The following CRISPLD1 variants were observed in gnomAD, a reference collection of about 807,000 sequenced individuals.
CRISPLD1 encodes the protein cysteine rich secretory protein LCCL domain containing 1.
In CRISPLD1, 60 loss-of-function variants were observed where a neutral mutation model predicts 77.5. The ratio of observed to expected loss-of-function variants is 0.77; its 90% CI spans 0.63 to 0.96. The LOEUF (loss-of-function observed/expected upper bound fraction) is 0.96, where lower values mean the gene tolerates loss of function less well. CRISPLD1 is among the 40% of genes least tolerant of loss of function. CRISPLD1 has a pLI of 0.00. For missense variants in CRISPLD1, 623 were observed against 615.8 expected, an observed-to-expected ratio of 1.01 and a Z score of -0.12; for synonymous variants, 195 against 200.1, an observed-to-expected ratio of 0.97 and a Z score of 0.22.
rs554512140 is a variant in CRISPLD1 at position 74,984,532 on chromosome 8, G to C, written c.-451G>C. ...AAGCGCTAGGCGCCTGGTTCTGCGC[G>C]TACTGGCTGTACGGAGCAGGAGCAA... On this transcript the variant is annotated 5_prime_UTR_variant, in exon 1 of 15. Coordinates refer to ENST00000262207, the MANE Select transcript of CRISPLD1 (RefSeq NM_031461.6). 1 of 152,322 alleles carries C rather than the reference G, an allele frequency of 6.6e-6. No individual in the cohort carries two copies. Among genetic ancestry groups the C allele is most frequent in the Admixed American group, 6.5e-5 (1 of 15,290 alleles). The allele number at this position is 152,322 out of a possible 1,614,324, so 9.4% of individuals were successfully genotyped here. A position where few individuals can be genotyped will look rare whatever the true frequency, so the allele number is the denominator to read the frequency against.
chr8:75,001,592 A>G (rs1812742330), intron 2 of CRISPLD1, among the ~76,000 whole-genome samples: 1 of 152,238 alleles, frequency 6.6e-6, no homozygotes, highest in Non-Finnish European at 1.5e-5. Context: ...AGTATTTGGT[A>G]GAAGTTACCG....
intron 2 of CRISPLD1, among the ~76,000 whole-genome samples, chr8:74,989,663 C>T (rs76158272): frequency 0.011 from 1,613 of 151,608 alleles, 26 homozygotes; most frequent in African/African-American, 0.036. Flanking sequence ...TTGTCAGATG[C>T]GTAGTTTACA....
intron 13 of CRISPLD1, among the ~76,000 whole-genome samples, chr8:75,026,226 A>G (rs984560112): frequency 2.6e-5 from 4 of 152,046 alleles, no homozygotes; most frequent in Non-Finnish European, 5.9e-5. Context: ...AGAAGAACAA[A>G]TACATGACAC....
intron 2 of CRISPLD1, chr8:75,000,213 T>C (rs1323869201): frequency 4.1e-6 from 4 of 985,176 alleles, no homozygotes; most frequent in Non-Finnish European, 4.8e-6. Flanking sequence ...CTATATCTTA[T>C]GCTTGGTCAA....
intron 14 of CRISPLD1, among the ~76,000 whole-genome samples, chr8:75,030,459 T>TTTTA (rs1378698555): frequency 1.3e-5 from 2 of 152,172 alleles, no homozygotes; most frequent in East Asian, 3.8e-4. Context: ...GGATATGCAA[T>TTTTA]TTTATAAGCT....
chr8:74,994,777 AT>A (rs1294036399), intron 2 of CRISPLD1, among the ~76,000 whole-genome samples: 1 of 152,060 alleles, frequency 6.6e-6, no homozygotes, highest in African/African-American at 2.4e-5. Flanking sequence ...TGTCTTTGGG[AT>A]TTTATTTCAT....
chr8:75,022,589 GAAA>G (rs71565425), intron 12 of CRISPLD1, among the ~76,000 whole-genome samples: 1 of 82,360 alleles, frequency 1.2e-5, no homozygotes. Context: ...CTCTGTCTCA[GAAA>G]AAAAAAAAAA....
In CRISPLD1 at chr8:74,986,186, G is replaced by A; in HGVS notation, c.199G>A (p.Asp67Asn). ...ITDNDMQSILDLHNKLRSQVY... is the reference protein window; with the variant it reads ...ITDNDMQSILNLHNKLRSQVY... The stretch of plus-strand genomic sequence containing the variant: ...AGACAATGACATGCAGAGTATTTTG[G>A]ACCTTCATAATAAATTACGAAGTCA... The change falls in exon 2 of 15, where the codon GAC becomes AAC. Residue 67 changes from aspartate (D) to asparagine (N), a missense_variant. Coordinates refer to ENST00000262207, the MANE Select transcript of CRISPLD1 (RefSeq NM_031461.6). The A allele has an allele frequency of 3.1e-6, 5 of 1,614,080 alleles. No individual in the cohort carries two copies. Among genetic ancestry groups the A allele is most frequent in the Non-Finnish European group, 4.2e-6 (5 of 1,179,954 alleles).
chr8:74,991,730 G>C (rs1307701727), intron 2 of CRISPLD1, among the ~76,000 whole-genome samples: 2 of 152,016 alleles, frequency 1.3e-5, no homozygotes. Flanking sequence ...GGGTTTCACT[G>C]TGTTGGCTAG....
intron 10 of CRISPLD1, 81 bp downstream of exon 10, chr8:75,017,531 A>C: frequency 1.7e-6 from 2 of 1,165,180 alleles, no homozygotes; most frequent in Non-Finnish European, 2.4e-6. Context: ...AGAGCAAAGC[A>C]TAGAATAATT....
At chr8:74,991,133 C>G (rs1017687149) in intron 2 of CRISPLD1, among the ~76,000 whole-genome samples, 2 of 152,056 alleles carry the variant, frequency 1.3e-5, no homozygotes, top group Non-Finnish European at 2.9e-5. Flanking sequence ...CCTAAGATTA[C>G]AGGTGCGCAC....
intron 10 of CRISPLD1, among the ~76,000 whole-genome samples, chr8:75,019,330 T>C (rs1214735139): frequency 6.6e-6 from 1 of 152,214 alleles, no homozygotes; most frequent in Non-Finnish European, 1.5e-5. Flanking sequence ...AATTTTGATG[T>C]ATAATTATGT....
intron 14 of CRISPLD1, among the ~76,000 whole-genome samples, chr8:75,031,785 T>C (rs1813352722): frequency 6.6e-6 from 1 of 152,072 alleles, no homozygotes; most frequent in African/African-American, 2.4e-5. Flanking sequence ...AAGTATCAGC[T>C]ATCTTTTTAG....
At chr8:74,998,060 A>G (rs79804065) in intron 2 of CRISPLD1, among the ~76,000 whole-genome samples, 1,740 of 152,298 alleles carry the variant, frequency 0.011, 15 homozygotes, top group Middle Eastern at 0.027. Flanking sequence ...GTTGCTGGGA[A>G]TAAATAGGTT....
At chr8:75,006,067 C>T (rs186067997) in intron 2 of CRISPLD1, among the ~76,000 whole-genome samples, 8 of 152,232 alleles carry the variant, frequency 5.3e-5, no homozygotes, top group African/African-American at 1.9e-4. Context: ...CATTCCTTAT[C>T]CTTCCCATAT....
At chr8:75,016,409 TAAGATCACC>T (rs2128786106) in intron 6 of CRISPLD1, among the ~76,000 whole-genome samples, 147 bp from the exon 7 acceptor site, 1 of 152,298 alleles carries the variant, frequency 6.6e-6, no homozygotes, top group Admixed American at 6.5e-5. Flanking sequence ...CTGCAGTACC[TAAGATCACC>T]ACCTTAAGCC....
chr8:74,984,989 C>G (rs1812473857), intron 1 of CRISPLD1, 69 bp downstream of exon 1: 1 of 145,856 alleles, frequency 6.9e-6, no homozygotes, highest in Middle Eastern at 3.2e-3. Flanking sequence ...CCTTTGCCTT[C>G]TTAAACTGTA....
At chr8:75,019,536 C>T (rs1026284756) in intron 10 of CRISPLD1, among the ~76,000 whole-genome samples, 15 of 151,764 alleles carry the variant, frequency 9.9e-5, no homozygotes, top group Admixed American at 2.0e-4. Context: ...AGTTTGGTCC[C>T]GTGGAGGCAG....
At position 75,014,832 on chromosome 8, in the gene CRISPLD1, C is replaced by A; in HGVS notation, c.647C>A (p.Ala216Asp). 6.3e-7 allele frequency: 1 copy of A among 1,595,498 alleles called. No homozygotes were observed. Among genetic ancestry groups the A allele is most frequent in the Non-Finnish European group, 8.5e-7 (1 of 1,173,150 alleles). The change falls in exon 6 of 15, where the codon GCC (alanine) becomes GAC (aspartate). Residue 216 changes from alanine (A) to aspartate (D), a missense_variant. Transcript: ENST00000262207. ...TAAAGGGGAAACTGGTGGGGCCATG[C>A]CCCTTACAAACATGGGCGGCCCTGT... Reference protein sequence around the residue: ...YSPKGNWWGHAPYKHGRPCSA... With the variant: ...YSPKGNWWGHDPYKHGRPCSA...
Sources: allele counts gnomAD v4.1 joint callset (sites outside exome capture counted in the v4.1 genomes callset), GRCh38; gene constraint gnomAD v4.1.1; transcripts MANE v1.5; gene names NCBI Gene and HGNC (gene_info 2026-07-23, HGNC 2026-07-21).